Variants in CAST observed in about 807,000 individuals in gnomAD.
CAST encodes MIR583 host.
CAST carries 76 observed loss-of-function variants against 119.6 expected under a neutral mutation model. The ratio of observed to expected loss-of-function variants is 0.64; its 90% confidence interval spans 0.53 to 0.77. The LOEUF is 0.77. Ranked by LOEUF, CAST falls within the 30% of genes least tolerant of loss-of-function variation. CAST has a pLI of 0.00. For missense variants in CAST, 953 were observed against 946.5 expected (o/e 1.01, Z -0.09); for synonymous variants, 319 against 331.6 (o/e 0.96, Z 0.41).
the CAST span, among the ~76,000 whole-genome samples, chr5:96,519,081 C>G: frequency 6.6e-6 from 1 of 152,084 alleles, no homozygotes; most frequent in South Asian, 2.1e-4. Flanking sequence ...AAAAGAATGG[C>G]TGTGAGTATC....
the CAST span, among the ~76,000 whole-genome samples, chr5:96,094,967 C>T: frequency 6.6e-6 from 1 of 152,138 alleles, no homozygotes; most frequent in Admixed American, 6.6e-5. Flanking sequence ...TTGCTTCTTA[C>T]AATGGCCTGC....
the CAST span, among the ~76,000 whole-genome samples, chr5:96,508,054 T>A: frequency 6.6e-6 from 1 of 150,848 alleles, no homozygotes; most frequent in Non-Finnish European, 1.5e-5. Flanking sequence ...AGAGACAGGG[T>A]CTTGCTAAGT....
intron 1 of CAST, among the ~76,000 whole-genome samples, chr5:96,669,495 C>A (rs1209815229): frequency 6.6e-6 from 1 of 152,106 alleles, no homozygotes; most frequent in East Asian, 1.9e-4. Flanking sequence ...ATAACTTACC[C>A]TGTGATTAGG....
At chr5:96,069,517 T>C in the CAST span, among the ~76,000 whole-genome samples, 30 of 151,934 alleles carry the variant, frequency 2.0e-4, no homozygotes, top group African/African-American at 7.0e-4. Context: ...AGGGTCTTGC[T>C]CTGTCACCCA....
the CAST span, among the ~76,000 whole-genome samples, chr5:96,241,691 G>C: frequency 1.4e-5 from 2 of 141,272 alleles, no homozygotes; most frequent in African/African-American, 4.9e-5. Flanking sequence ...CAGTGTAAAA[G>C]TGTTCCTATT....
intron 25 of CAST, chr5:96,762,827 A>C: frequency 3.2e-6 from 1 of 308,272 alleles, no homozygotes; most frequent in Non-Finnish European, 6.1e-6. Context: ...AACGTCATGG[A>C]ATAGCATTGT....
At chr5:96,306,170 T>C in the CAST span, among the ~76,000 whole-genome samples, 1 of 152,220 alleles carries the variant, frequency 6.6e-6, no homozygotes, top group Non-Finnish European at 1.5e-5. Flanking sequence ...CCTGGTTTAG[T>C]CTTGGGAGGG....
the CAST span, among the ~76,000 whole-genome samples, chr5:96,236,081 ATGTC>A: frequency 1.1e-4 from 15 of 133,416 alleles, no homozygotes; most frequent in African/African-American, 3.6e-4. Flanking sequence ...CAGGATCTCT[ATGTC>A]TGTCTGTCTA....
chr5:96,106,944 C>T, the CAST span, among the ~76,000 whole-genome samples: 358 of 140,272 alleles, frequency 2.6e-3, no homozygotes, highest in African/African-American at 3.6e-3. Context: ...TAGTTAGCTC[C>T]TCTTGTTGAA....
chr5:96,440,939 A>AT, the CAST span, among the ~76,000 whole-genome samples: 2 of 152,222 alleles, frequency 1.3e-5, no homozygotes, highest in Non-Finnish European at 2.9e-5. Context: ...AAGCACAGAT[A>AT]TAAGAGCAGA....
chr5:96,727,112 A>G (rs1057443894), intron 5 of CAST, among the ~76,000 whole-genome samples: 2 of 152,206 alleles, frequency 1.3e-5, no homozygotes, highest in African/African-American at 4.8e-5. Flanking sequence ...TATTTCACTG[A>G]TAAAAACACC....
At chr5:96,389,099 A>G in the CAST span, among the ~76,000 whole-genome samples, 1 of 145,418 alleles carries the variant, frequency 6.9e-6, no homozygotes, top group East Asian at 2.2e-4. Context: ...GGGGTGGGAG[A>G]GGTGGGGGGA....
intron 29 of CAST, chr5:96,769,433 TCCTGATCG>T (rs1472765059): frequency 3.3e-5 from 5 of 150,744 alleles, no homozygotes; most frequent in African/African-American, 1.2e-4. Context: ...CAAAAGCCAG[TCCTGATCG>T]AGACAAGCTC....
At chr5:96,338,015 C>T in the CAST span, among the ~76,000 whole-genome samples, 1 of 151,948 alleles carries the variant, frequency 6.6e-6, no homozygotes, top group South Asian at 2.1e-4. Flanking sequence ...GCATTCCTTG[C>T]TGGAGGCACA....
At chr5:96,723,623 A>G (rs1758703468) in intron 4 of CAST, among the ~76,000 whole-genome samples, 1 of 152,184 alleles carries the variant, frequency 6.6e-6, no homozygotes, top group Admixed American at 6.5e-5. Flanking sequence ...GGTATTGTCC[A>G]CTTTGTTCTG....
chr5:96,496,165 C>A, the CAST span, among the ~76,000 whole-genome samples: 1 of 151,956 alleles, frequency 6.6e-6, no homozygotes, highest in Non-Finnish European at 1.5e-5. Context: ...TAATAAATGT[C>A]ATTTTATTTT....
the CAST span, among the ~76,000 whole-genome samples, chr5:96,509,341 GT>G: frequency 6.6e-6 from 1 of 152,152 alleles, no homozygotes; most frequent in African/African-American, 2.4e-5. Context: ...CTATCTAGTG[GT>G]TCAAATCCAA....
intron 2 of CAST, among the ~76,000 whole-genome samples, chr5:96,694,015 T>A (rs1481818211): frequency 6.6e-6 from 1 of 152,184 alleles, no homozygotes; most frequent in African/African-American, 2.4e-5. Context: ...GATTGTGCTT[T>A]GAGGACAGCA....
the CAST span, among the ~76,000 whole-genome samples, chr5:96,322,997 G>A: frequency 6.6e-6 from 1 of 152,152 alleles, no homozygotes; most frequent in African/African-American, 2.4e-5. Context: ...TGTTCTGGGT[G>A]AGTATACGGT....
Sources: gnomAD v4.1 joint callset for allele counts (sites outside exome capture counted in the v4.1 genomes callset) on GRCh38, gnomAD v4.1.1 for gene constraint, MANE v1.5 for transcripts, NCBI Gene and HGNC (gene_info 2026-07-23, HGNC 2026-07-21) for gene names.